The following PRIM2 variants were observed in gnomAD, a reference collection of about 807,000 sequenced individuals.
The protein encoded by PRIM2 is DNA primase subunit 2.
Under a neutral mutation model 67.3 loss-of-function variants are expected in PRIM2, and 39 were observed. The observed-to-expected ratio is 0.58, with a 90% CI of 0.45 to 0.76. PRIM2 has a LOEUF of 0.76. Among genes scored for constraint, PRIM2 ranks in the 30% least tolerant of loss-of-function variants. The pLI, the probability that PRIM2 is intolerant of heterozygous loss-of-function variation, is 0.00. For missense variants in PRIM2, 398 were observed against 598.7 expected, an observed-to-expected ratio of 0.66 and a Z score of 3.50; for synonymous variants, 143 against 198.7, an observed-to-expected ratio of 0.72 and a Z score of 2.36.
At chr6:57,256,954 G>A in the PRIM2 span, among the ~76,000 whole-genome samples, 17 of 152,130 alleles carry the variant, frequency 1.1e-4, no homozygotes. Context: ...AGTTTCAGTT[G>A]CCTTGACATT....
At chr6:57,547,207 G>C (rs1408749426) in intron 10 of PRIM2, among the ~76,000 whole-genome samples, 1 of 151,442 alleles carries the variant, frequency 6.6e-6, no homozygotes, top group Non-Finnish European at 1.5e-5. Flanking sequence ...CATCACCCTG[G>C]GTGCAAGAGA....
intron 10 of PRIM2, among the ~76,000 whole-genome samples, chr6:57,550,073 G>A (rs1367987434): frequency 2.6e-5 from 4 of 152,010 alleles, no homozygotes; most frequent in Non-Finnish European, 4.4e-5. Flanking sequence ...CAACAAGAGC[G>A]AAACTCCGTG....
intron 5 of PRIM2, among the ~76,000 whole-genome samples, chr6:57,350,696 T>C (rs9396278): frequency 0.47 from 71,379 of 151,854 alleles, 16,814 homozygotes; most frequent in South Asian, 0.56. Flanking sequence ...CTTAGTGTAA[T>C]AGTACTTCAG....
At chr6:57,582,505 A>G (rs1401730532) in intron 10 of PRIM2, among the ~76,000 whole-genome samples, 2 of 152,170 alleles carry the variant, frequency 1.3e-5, no homozygotes, top group South Asian at 2.1e-4. Context: ...CAAGTTTGCC[A>G]TATTTTATTA....
intron 7 of PRIM2, among the ~76,000 whole-genome samples, chr6:57,464,193 C>T (rs1394899098): frequency 1.3e-5 from 2 of 152,162 alleles, no homozygotes; most frequent in Non-Finnish European, 2.9e-5. Flanking sequence ...TGTGTGGTTA[C>T]TTGATTAGTC....
At chr6:57,352,112 C>T (rs936971866) in intron 5 of PRIM2, among the ~76,000 whole-genome samples, 1 of 152,124 alleles carries the variant, frequency 6.6e-6, no homozygotes, top group Non-Finnish European at 1.5e-5. Context: ...ATCTTATTAG[C>T]AGTGATATTT....
intron 9 of PRIM2, among the ~76,000 whole-genome samples, chr6:57,534,594 A>G (rs1487063487): frequency 6.6e-6 from 1 of 152,194 alleles, no homozygotes; most frequent in Non-Finnish European, 1.5e-5. Flanking sequence ...TTCACTACAT[A>G]ACAGCCAGAG....
rs548457804 is a variant in PRIM2, at chr6:57,344,799, T to C, written c.459+18754T>C. ...GGCAGATGGTCTTAGTGACAATATT[T>C]TAGAGTTCACAGAATTTGGGTTTTT... On this transcript the variant is annotated intron_variant, in intron 5 of 13. Transcript: ENST00000615550. 3.9e-5 allele frequency among the ~76,000 whole-genome samples: 6 copies of C among 152,230 alleles called. No homozygotes were observed. In the South Asian group the frequency reaches 1.2e-3, roughly 32 times the overall value.
chr6:57,514,604 T>C (rs1774442880), intron 8 of PRIM2, among the ~76,000 whole-genome samples: 1 of 152,188 alleles, frequency 6.6e-6, no homozygotes, highest in Non-Finnish European at 1.5e-5. Context: ...CTGTGTAAGA[T>C]ATTAATAAAT....
chr6:57,473,461 G>T (rs1773387689), intron 7 of PRIM2, among the ~76,000 whole-genome samples: 1 of 152,086 alleles, frequency 6.6e-6, no homozygotes, highest in African/African-American at 2.4e-5. Flanking sequence ...TTTAAAAAGT[G>T]CTCTGTTTTC....
chr6:57,545,662 G>A (rs1775274974), intron 10 of PRIM2, among the ~76,000 whole-genome samples: 3 of 152,048 alleles, frequency 2.0e-5, no homozygotes, highest in African/African-American at 4.8e-5. Flanking sequence ...TCGAACTCCC[G>A]ACCTCAGGTG....
chr6:57,536,321 A>G (rs1379133334), intron 9 of PRIM2, among the ~76,000 whole-genome samples: 9 of 152,258 alleles, frequency 5.9e-5, no homozygotes, highest in Non-Finnish European at 5.9e-5. Flanking sequence ...AAATTAAAGT[A>G]GGCAATGATA....
At chr6:57,463,521 G>C (rs1581932759) in intron 7 of PRIM2, among the ~76,000 whole-genome samples, 1 of 152,076 alleles carries the variant, frequency 6.6e-6, no homozygotes, top group East Asian at 1.9e-4. Flanking sequence ...GAAAATAAAG[G>C]AGATTGGCTA....
At chr6:57,478,054 G>A (rs1302441594) in intron 7 of PRIM2, among the ~76,000 whole-genome samples, 6 of 152,258 alleles carry the variant, frequency 3.9e-5, no homozygotes, top group African/African-American at 4.8e-5. Flanking sequence ...TTTAATACCC[G>A]TAATACTATG....
At chr6:57,416,576 G>A (rs1771270567) in intron 7 of PRIM2, among the ~76,000 whole-genome samples, 1 of 152,186 alleles carries the variant, frequency 6.6e-6, no homozygotes, top group African/African-American at 2.4e-5. Flanking sequence ...CTCTAGCTAT[G>A]AAAGTCCTAT....
chr6:57,321,605 A>T (rs1327300491), intron 3 of PRIM2, among the ~76,000 whole-genome samples: 2 of 152,122 alleles, frequency 1.3e-5, no homozygotes, highest in Admixed American at 6.5e-5. Context: ...ATGAACCAGG[A>T]TAGTAGTGTC....
chr6:57,330,788 C>T (rs1768031414), intron 5 of PRIM2, among the ~76,000 whole-genome samples: 3 of 152,054 alleles, frequency 2.0e-5, no homozygotes, highest in Non-Finnish European at 4.4e-5. Context: ...AGATTTTCTT[C>T]TAATTCTAGT....
chr6:57,603,140 C>T (rs1776500289), intron 11 of PRIM2, among the ~76,000 whole-genome samples: 1 of 152,032 alleles, frequency 6.6e-6, no homozygotes, highest in South Asian at 2.1e-4. Context: ...CTTTTTTCAC[C>T]TTTTGGGATT....
chr6:57,468,139 T>G (rs1201353321), intron 7 of PRIM2, among the ~76,000 whole-genome samples: 4 of 152,128 alleles, frequency 2.6e-5, no homozygotes, highest in African/African-American at 4.8e-5. Flanking sequence ...TTGCCTGATT[T>G]CCCTAGCCAA....
Sources: allele counts gnomAD v4.1 joint callset (sites outside exome capture counted in the v4.1 genomes callset), GRCh38; gene constraint gnomAD v4.1.1; transcripts MANE v1.5; gene names NCBI Gene and HGNC (gene_info 2026-07-23, HGNC 2026-07-21).